PALD1: variants seen among roughly 807,000 people sequenced by gnomAD.
PALD1 encodes the protein phosphatase domain containing paladin 1, also known as paladin.
A neutral mutation model predicts 96.0 loss-of-function variants in PALD1; 57 were observed. The ratio of observed to expected loss-of-function variants is 0.59; its 90% CI spans 0.48 to 0.74. The LOEUF is 0.74. Ranked by LOEUF, PALD1 falls within the 30% of genes least tolerant of loss-of-function variation. PALD1 has a pLI of 0.00. For synonymous variants in PALD1, 464 were observed against 473.6 expected (o/e 0.98, Z 0.26); for missense variants, 1,063 against 1,143.7 (o/e 0.93, Z 1.02).
chr10:70,458,644 G>T, the PALD1 span, among the ~76,000 whole-genome samples: 1 of 152,170 alleles, frequency 6.6e-6, no homozygotes, highest in Admixed American at 6.5e-5. Context: ...CCGCACTGCC[G>T]GTCCCGCCGC....
At chr10:70,496,665 G>T (rs1389017135) in intron 1 of PALD1, among the ~76,000 whole-genome samples, 4 of 152,088 alleles carry the variant, frequency 2.6e-5, no homozygotes, top group African/African-American at 2.4e-5. Context: ...CTTATTGTTG[G>T]GACTTTGCCA....
chr10:70,509,385 C>T (rs1415757565), intron 1 of PALD1, among the ~76,000 whole-genome samples: 3 of 152,218 alleles, frequency 2.0e-5, no homozygotes, highest in East Asian at 1.9e-4. Context: ...TTCTCCCTTC[C>T]TCATAAGGTT....
chr10:70,466,222 A>C, the PALD1 span, among the ~76,000 whole-genome samples: 2 of 152,056 alleles, frequency 1.3e-5, no homozygotes, highest in African/African-American at 2.4e-5. Flanking sequence ...TAAAATATAC[A>C]TAACATGAAG....
chr10:70,459,539 C>G, the PALD1 span, among the ~76,000 whole-genome samples: 2 of 152,150 alleles, frequency 1.3e-5, no homozygotes, highest in African/African-American at 4.8e-5. Context: ...CTGGGCAGTG[C>G]CAACCTGGCA....
upstream of PALD1, among the ~76,000 whole-genome samples, chr10:70,478,324 C>T (rs2132246708): frequency 6.6e-6 from 1 of 152,302 alleles, no homozygotes; most frequent in East Asian, 1.9e-4. Context: ...GCCCGGAGCC[C>T]GGATGCTGGG....
chr10:70,530,822 C>T (rs1179059028), intron 4 of PALD1, among the ~76,000 whole-genome samples: 1 of 152,162 alleles, frequency 6.6e-6, no homozygotes, highest in African/African-American at 2.4e-5. Flanking sequence ...TTCCCTCTGC[C>T]TGTATGGTGC....
intron 1 of PALD1, among the ~76,000 whole-genome samples, chr10:70,498,526 T>C (rs1846234423): frequency 1.3e-5 from 2 of 152,028 alleles, no homozygotes; most frequent in African/African-American, 4.8e-5. Flanking sequence ...GCAGTCCTCT[T>C]GCCTTAGCCT....
intron 1 of PALD1, among the ~76,000 whole-genome samples, 187 bp from the exon 2 acceptor site, chr10:70,525,736 G>T: frequency 6.6e-6 from 1 of 152,154 alleles, no homozygotes; most frequent in South Asian, 2.1e-4. Flanking sequence ...AAAGGGCCGG[G>T]TATAGAGCAG....
chr10:70,530,660 G>A (rs1331754808), intron 4 of PALD1, among the ~76,000 whole-genome samples: 1 of 152,154 alleles, frequency 6.6e-6, no homozygotes, highest in Non-Finnish European at 1.5e-5. Context: ...GCGATTGTAG[G>A]CTTCTTGAGT....
chr10:70,532,895 C>G, intron 6 of PALD1, 100 bp from the exon 7 acceptor site: 1 of 1,507,058 alleles, frequency 6.6e-7, no homozygotes, highest in African/African-American at 1.4e-5. Flanking sequence ...CCCATGTCTC[C>G]CACAGTGGGG....
At chr10:70,553,197 G>A (rs1358810691) in intron 18 of PALD1, among the ~76,000 whole-genome samples, 2 of 152,188 alleles carry the variant, frequency 1.3e-5, no homozygotes, top group Non-Finnish European at 2.9e-5. Context: ...AATTAACTGC[G>A]ATACTTCCAG....
At chr10:70,538,621 C>CTGGTACCTT (rs1214059753) in intron 12 of PALD1, among the ~76,000 whole-genome samples, 1 of 122,758 alleles carries the variant, frequency 8.1e-6, no homozygotes, top group Non-Finnish European at 1.8e-5. Flanking sequence ...GGTACCTTCT[C>CTGGTACCTT]CTCAGTCTCA....
At chr10:70,477,059 A>G (rs985093700), upstream of PALD1, among the ~76,000 whole-genome samples, 4 of 151,862 alleles carry the variant, frequency 2.6e-5, no homozygotes, top group Admixed American at 6.6e-5. Flanking sequence ...ATGTAAATGT[A>G]TATTTTGCAC....
intron 18 of PALD1, among the ~76,000 whole-genome samples, chr10:70,559,836 T>C (rs10733876): frequency 0.96 from 146,689 of 152,162 alleles, 70,928 homozygotes; most frequent in East Asian, 1. Context: ...GCACTTGAGC[T>C]GCTGGCATGT....
In PALD1 at chr10:70,567,542, C is replaced by T. The variant is rs1306890348; in HGVS notation, c.*809C>T. 6.5e-6 allele frequency: 1 copy of T among 152,954 alleles called. No individual in the cohort carries two copies. The highest frequency in any genetic ancestry group is 2.4e-5 in the African/African-American group (1 of 41,466). 9.5% of individuals were successfully genotyped at this position (152,954 alleles called of 1,614,324 possible). A position where few individuals can be genotyped will look rare whatever the true frequency, so the allele number is the denominator to read the frequency against. On this transcript the variant is annotated 3_prime_UTR_variant, in exon 20 of 20. Coordinates refer to ENST00000263563, the MANE Select transcript of PALD1 (RefSeq NM_014431.3). ...AGCCAAGGCCTGGAGCTGCAGGTCCCCCGGCATCTCTCTCTGTCCCGGCAG... is the reference window on the plus strand; with the variant it reads ...AGCCAAGGCCTGGAGCTGCAGGTCCTCCGGCATCTCTCTCTGTCCCGGCAG...
intron 1 of PALD1, among the ~76,000 whole-genome samples, chr10:70,494,136 C>T (rs886686850): frequency 7.9e-5 from 12 of 152,190 alleles, no homozygotes; most frequent in Non-Finnish European, 4.4e-5. Flanking sequence ...GCCCTGCGAC[C>T]GGAGGTCCTT....
intron 1 of PALD1, among the ~76,000 whole-genome samples, chr10:70,481,741 C>T (rs1845935445): frequency 6.6e-6 from 1 of 152,232 alleles, no homozygotes; most frequent in African/African-American, 2.4e-5. Flanking sequence ...GTGATGAGAG[C>T]CACTGCCCTC....
chr10:70,541,288 G>C, intron 16 of PALD1, 46 bp downstream of exon 16: 4 of 1,576,360 alleles, frequency 2.5e-6, no homozygotes, highest in Non-Finnish European at 1.7e-6. Flanking sequence ...CCTGGAGGAG[G>C]GTAGACACTC....
chr10:70,559,680 T>A (rs1175217670), intron 18 of PALD1, among the ~76,000 whole-genome samples: 2 of 151,536 alleles, frequency 1.3e-5, no homozygotes, highest in African/African-American at 4.9e-5. Context: ...GAAGGAGGAG[T>A]CCCGGGTTCT....
Sources: allele counts gnomAD v4.1 joint callset (sites outside exome capture counted in the v4.1 genomes callset), GRCh38; gene constraint gnomAD v4.1.1; transcripts MANE v1.5; gene names NCBI Gene and HGNC (gene_info 2026-07-23, HGNC 2026-07-21).